The following ERC2 variants were observed in gnomAD, a reference collection of about 807,000 sequenced individuals.
ERC2 encodes ELKS/RAB6-interacting/CAST family member 2, also known as ERC protein 2.
A neutral mutation model predicts 114.8 loss-of-function variants in ERC2; 42 were observed. The ratio of observed to expected loss-of-function variants is 0.37; its 90% CI spans 0.29 to 0.47. The LOEUF is 0.47. ERC2 is among the 20% of genes least tolerant of loss of function. The pLI is 0.99. For missense variants in ERC2, 939 were observed against 1,150.7 expected (o/e 0.82, Z 2.66); for synonymous variants, 454 against 425.5 (o/e 1.07, Z -0.82).
At chr3:55,934,824 G>A (rs2066335015) in intron 13 of ERC2, among the ~76,000 whole-genome samples, 1 of 152,110 alleles carries the variant, frequency 6.6e-6, no homozygotes, top group Non-Finnish European at 1.5e-5. Context: ...AGTATAGAAG[G>A]AGCCATTTGA....
At chr3:56,078,631 T>C (rs1348009806) in intron 7 of ERC2, among the ~76,000 whole-genome samples, 1 of 152,144 alleles carries the variant, frequency 6.6e-6, no homozygotes, top group Non-Finnish European at 1.5e-5. Flanking sequence ...CAAGAACAAG[T>C]GCTCCTGGCA....
chr3:55,711,574 G>C (rs1261421152), intron 15 of ERC2, among the ~76,000 whole-genome samples: 2 of 152,142 alleles, frequency 1.3e-5, no homozygotes, highest in Non-Finnish European at 2.9e-5. Flanking sequence ...CTATTGATGT[G>C]TTCAAATAGA....
chr3:56,333,016 T>G (rs2057695217), intron 2 of ERC2, among the ~76,000 whole-genome samples: 1 of 152,244 alleles, frequency 6.6e-6, no homozygotes, highest in Non-Finnish European at 1.5e-5. Flanking sequence ...AGAAATAAGT[T>G]AAACTTTTTT....
intron 1 of ERC2, among the ~76,000 whole-genome samples, chr3:56,436,691 G>C (rs768271344): frequency 6.6e-6 from 1 of 152,146 alleles, no homozygotes; most frequent in African/African-American, 2.4e-5. Context: ...TTAGTGATGG[G>C]CATGTGACCC....
chr3:55,829,073 C>G (rs55852613), intron 14 of ERC2, among the ~76,000 whole-genome samples: 27,270 of 152,062 alleles, frequency 0.18, 3,595 homozygotes, highest in African/African-American at 0.37. Context: ...TGAGGCTGCA[C>G]TGAGGCATGA....
chr3:55,955,881 A>G (rs562471794), intron 12 of ERC2, among the ~76,000 whole-genome samples: 1 of 152,354 alleles, frequency 6.6e-6, no homozygotes, highest in African/African-American at 2.4e-5. Context: ...GGCTCCCATC[A>G]GAAGTCTGCC....
intron 2 of ERC2, among the ~76,000 whole-genome samples, chr3:56,359,841 A>C (rs773148649): frequency 1.0e-4 from 15 of 146,952 alleles, no homozygotes; most frequent in Admixed American, 7.3e-4. Context: ...TTAAACAACC[A>C]GCTCTCATGA....
chr3:55,829,636 A>G (rs1193655315), intron 14 of ERC2, among the ~76,000 whole-genome samples: 1 of 152,168 alleles, frequency 6.6e-6, no homozygotes, highest in Non-Finnish European at 1.5e-5. Flanking sequence ...CATTTCAGCT[A>G]TCAAAGTGGC....
At chr3:55,932,656 T>A (rs1321862344) in intron 13 of ERC2, among the ~76,000 whole-genome samples, 1 of 152,184 alleles carries the variant, frequency 6.6e-6, no homozygotes, top group East Asian at 1.9e-4. Flanking sequence ...TTAAAATATA[T>A]TCCCAATACA....
At chr3:55,803,781 AT>A (rs2059392483) in intron 14 of ERC2, among the ~76,000 whole-genome samples, 1 of 152,202 alleles carries the variant, frequency 6.6e-6, no homozygotes, top group Admixed American at 6.5e-5. Context: ...TATCTCCATC[AT>A]GGGACTGATT....
intron 14 of ERC2, among the ~76,000 whole-genome samples, chr3:55,869,247 C>G (rs2062459645): frequency 6.6e-6 from 1 of 151,988 alleles, no homozygotes; most frequent in Non-Finnish European, 1.5e-5. Context: ...GGTCTCTAGC[C>G]CTGCTTGGTG....
intron 17 of ERC2, among the ~76,000 whole-genome samples, chr3:55,589,291 A>T (rs72871610): frequency 0.013 from 2,042 of 151,780 alleles, 47 homozygotes; most frequent in African/African-American, 0.047. Flanking sequence ...TAAGGATTTT[A>T]AAAACCATGT....
chr3:55,801,210 A>C (rs921795785), intron 14 of ERC2, among the ~76,000 whole-genome samples: 3 of 152,166 alleles, frequency 2.0e-5, no homozygotes, highest in African/African-American at 7.2e-5. Flanking sequence ...ATGAACCAAC[A>C]CCCATACAAA....
intron 3 of ERC2, among the ~76,000 whole-genome samples, chr3:56,251,473 G>A (rs2052149294): frequency 6.6e-6 from 1 of 152,040 alleles, no homozygotes; most frequent in South Asian, 2.1e-4. Context: ...CACAGGAAAA[G>A]CAATGTCCAA....
chr3:55,997,880 G>GTTTTTTTTTTTTTT (rs869077498), intron 10 of ERC2, among the ~76,000 whole-genome samples: 1 of 44,786 alleles, frequency 2.2e-5, no homozygotes, highest in African/African-American at 8.8e-5. Flanking sequence ...TCTTAATTCT[G>GTTTTTTTTTTTTTT]TTTTTTTTTT....
chr3:55,888,387 A>T lies in ERC2; in HGVS notation c.2564+2T>A. The stretch of plus-strand genomic sequence containing the variant: ...GCTACCAAAGCAGCAATGGGTACTC[A>T]CTTCATCTCCAGGATCTCCTCCAGC... On this transcript the variant is annotated splice_donor_variant, in intron 14 of 17. Transcript: ENST00000288221. LOFTEE classifies it high-confidence loss of function. 1 of 1,613,620 alleles carries T rather than the reference A, an allele frequency of 6.2e-7. No homozygotes were observed. Among genetic ancestry groups the T allele is most frequent in the Non-Finnish European group, 8.5e-7 (1 of 1,179,704 alleles).
chr3:55,905,724 C>T (rs1320152953), intron 13 of ERC2, among the ~76,000 whole-genome samples: 1 of 152,198 alleles, frequency 6.6e-6, no homozygotes, highest in East Asian at 1.9e-4. Flanking sequence ...GACCCCTACT[C>T]AACTACATCC....
At chr3:56,090,395 T>A (rs956024224) in intron 6 of ERC2, among the ~76,000 whole-genome samples, 16 of 151,974 alleles carry the variant, frequency 1.1e-4, no homozygotes, top group African/African-American at 3.9e-4. Flanking sequence ...AGAATCAATT[T>A]TGTGCCAGGC....
chr3:55,571,124 C>CA (rs60594862), intron 17 of ERC2, among the ~76,000 whole-genome samples: 1,708 of 67,204 alleles, frequency 0.025, 100 homozygotes, highest in African/African-American at 0.054. Context: ...GAGACTCCGT[C>CA]AAAAAAAAAA....
Sources: allele counts gnomAD v4.1 joint callset (sites outside exome capture counted in the v4.1 genomes callset), GRCh38; gene constraint gnomAD v4.1.1; transcripts MANE v1.5; gene names NCBI Gene and HGNC (gene_info 2026-07-23, HGNC 2026-07-21).